The following OSBPL10 variants were observed in gnomAD, a reference collection of about 807,000 sequenced individuals.
The protein encoded by OSBPL10 is oxysterol binding protein like 10.
In OSBPL10, 49 loss-of-function variants were observed where a neutral mutation model predicts 81.7. The ratio of observed to expected loss-of-function variants is 0.60; its 90% CI spans 0.48 to 0.76. The LOEUF (loss-of-function observed/expected upper bound fraction) is 0.76. Ranked by LOEUF, OSBPL10 falls within the 30% of genes least tolerant of loss-of-function variation. OSBPL10 has a pLI of 0.00. For missense variants in OSBPL10, 923 were observed against 987.8 expected (o/e 0.93, Z 0.88); for synonymous variants, 419 against 383.6 (o/e 1.09, Z -1.08).
intron 2 of OSBPL10, among the ~76,000 whole-genome samples, chr3:32,014,959 T>C (rs1237098528): frequency 1.3e-5 from 2 of 152,308 alleles, no homozygotes; most frequent in South Asian, 4.1e-4. Flanking sequence ...TACAAACAAA[T>C]GGAAGAACAT....
At chr3:31,755,838 C>T (rs1229205149) in intron 4 of OSBPL10, among the ~76,000 whole-genome samples, 1 of 152,208 alleles carries the variant, frequency 6.6e-6, no homozygotes, top group Non-Finnish European at 1.5e-5. Flanking sequence ...ATTGCACCTA[C>T]ACACTCAAAA....
chr3:31,805,836 G>A (rs1699508630), intron 4 of OSBPL10, among the ~76,000 whole-genome samples: 1 of 152,196 alleles, frequency 6.6e-6, no homozygotes, highest in Non-Finnish European at 1.5e-5. Context: ...TCTTCCCCAA[G>A]AAGACTTGCA....
intron 1 of OSBPL10, among the ~76,000 whole-genome samples, chr3:31,965,522 CTATTA>C (rs1418485587): frequency 2.0e-4 from 6 of 29,940 alleles, no homozygotes; most frequent in Non-Finnish European, 3.7e-4. Flanking sequence ...AATATATAAA[CTATTA>C]TATTATATAA....
At chr3:31,663,891 GA>G (rs1320542027) in intron 11 of OSBPL10, 187 bp downstream of exon 11, 3 of 1,470,776 alleles carry the variant, frequency 2.0e-6, no homozygotes, top group Non-Finnish European at 2.7e-6. Context: ...AAGGTTTCAT[GA>G]ATATTGTGGC....
At chr3:31,870,962 G>C (rs1701308498) in intron 3 of OSBPL10, among the ~76,000 whole-genome samples, 3 of 152,080 alleles carry the variant, frequency 2.0e-5, no homozygotes, top group Admixed American at 2.0e-4. Context: ...AATCTGATGG[G>C]GAGGTGGAGA....
intron 2 of OSBPL10, among the ~76,000 whole-genome samples, chr3:32,025,976 C>A (rs755839467): frequency 2.0e-5 from 3 of 149,908 alleles, no homozygotes; most frequent in Admixed American, 6.6e-5. Context: ...AAGTCTCTGG[C>A]TAAACATGAT....
At chr3:31,987,256 T>C (rs1451009435) in intron 2 of OSBPL10, among the ~76,000 whole-genome samples, 1 of 152,228 alleles carries the variant, frequency 6.6e-6, no homozygotes, top group Non-Finnish European at 1.5e-5. Context: ...CCTTGTTCAC[T>C]GAAGAATATA....
At chr3:32,044,618 A>G (rs2125560957) in intron 2 of OSBPL10, among the ~76,000 whole-genome samples, 1 of 151,192 alleles carries the variant, frequency 6.6e-6, no homozygotes, top group South Asian at 2.1e-4. Flanking sequence ...GCACATGCCT[A>G]TAATCCCAGC....
Position 32,073,831 on chromosome 3 carries a change from G to A in OSBPL10, n.185+3565C>T, listed in dbSNP as rs1247821387. ...TATCTCCTGGTGCTATCCCCAAACC[G>A]CCACTCTTGACTCCCTCTTGGAGTG... On this transcript the variant is annotated intron_variant and non_coding_transcript_variant, in intron 1 of 3. Transcript: ENST00000479173. Among the ~76,000 whole-genome samples the A allele has an allele frequency of 3.9e-5, 6 of 152,024 alleles. No homozygotes were observed. In the South Asian group the frequency reaches 8.3e-4, roughly 21 times the overall value.
At chr3:31,911,810 C>G (rs533460223) in intron 1 of OSBPL10, among the ~76,000 whole-genome samples, 1 of 152,140 alleles carries the variant, frequency 6.6e-6, no homozygotes, top group Admixed American at 6.5e-5. Flanking sequence ...GTTAGTCATT[C>G]TCCTTCCATA....
intron 10 of OSBPL10, among the ~76,000 whole-genome samples, chr3:31,667,551 T>C (rs1014610262): frequency 6.6e-6 from 1 of 152,274 alleles, no homozygotes; most frequent in Non-Finnish European, 1.5e-5. Flanking sequence ...GTAGTAATAG[T>C]AAAGCTTTCA....
intron 1 of OSBPL10, among the ~76,000 whole-genome samples, chr3:32,074,139 A>C (rs910890391): frequency 3.3e-5 from 5 of 151,962 alleles, no homozygotes; most frequent in Non-Finnish European, 7.4e-5. Context: ...ACCTCCCTGC[A>C]CCTCAGAACC....
intron 4 of OSBPL10, chr3:31,822,238 G>A: frequency 6.6e-6 from 1 of 152,192 alleles, no homozygotes; most frequent in East Asian, 1.9e-4. Flanking sequence ...TCAGGAGAGT[G>A]TGTACCTGGA....
chr3:31,974,646 A>T (rs1698645467), intron 1 of OSBPL10, among the ~76,000 whole-genome samples: 1 of 152,228 alleles, frequency 6.6e-6, no homozygotes, highest in Non-Finnish European at 1.5e-5. Context: ...CACAGATCAC[A>T]TATTACACAA....
intron 2 of OSBPL10, among the ~76,000 whole-genome samples, chr3:32,021,979 GA>G (rs35470488): frequency 3.4e-5 from 5 of 145,356 alleles, no homozygotes; most frequent in Admixed American, 6.9e-5. Context: ...AATCTGTCTC[GA>G]AAAAAAAAAA....
In OSBPL10 at chr3:31,981,222, G is replaced by A; in HGVS notation, c.-43C>T. Reference sequence around the variant, plus strand: ...GACGCGGGTGCCCGCCGCGGTGGCGGCCCCGGCACGGCGGCTGCTGCTGCT... The same window carrying A: ...GACGCGGGTGCCCGCCGCGGTGGCGACCCCGGCACGGCGGCTGCTGCTGCT... On this transcript the variant is annotated 5_prime_UTR_variant, in exon 1 of 12. Coordinates refer to ENST00000396556, the MANE Select transcript of OSBPL10 (RefSeq NM_017784.5). The surrounding 1 kb of genome is among the most constrained non-coding windows in gnomAD (Gnocchi z 4.5). 2 of 1,348,942 alleles carry A rather than the reference G, an allele frequency of 1.5e-6. No homozygotes were observed. Among genetic ancestry groups the A allele is most frequent in the Admixed American group, 4.0e-5 (1 of 24,838 alleles). The allele number at this position is 1,348,942 out of a possible 1,614,324, so 83.6% of individuals were successfully genotyped here.
intron 4 of OSBPL10, among the ~76,000 whole-genome samples, chr3:31,807,559 GACC>G: frequency 7.0e-6 from 1 of 142,640 alleles, no homozygotes; most frequent in East Asian, 2.0e-4. Context: ...TTGAGTTCAA[GACC>G]ACATCTCTAC....
chr3:31,836,549 C>A (rs1559485685), intron 3 of OSBPL10, among the ~76,000 whole-genome samples: 2 of 140,770 alleles, frequency 1.4e-5, no homozygotes, highest in Non-Finnish European at 1.5e-5. Flanking sequence ...CCCTCCTCTA[C>A]CCCCCTGCCA....
chr3:31,704,244 G>A (rs1057445870), intron 6 of OSBPL10: 1 of 152,456 alleles, frequency 6.6e-6, no homozygotes, highest in Non-Finnish European at 1.5e-5. Flanking sequence ...TTTCAGGTCA[G>A]TTTGAAAGTG....
Sources: allele counts gnomAD v4.1 joint callset (sites outside exome capture counted in the v4.1 genomes callset), GRCh38; gene constraint gnomAD v4.1.1; non-coding constraint Gnocchi (gnomAD v3.1); transcripts MANE v1.5; gene names NCBI Gene and HGNC (gene_info 2026-07-23, HGNC 2026-07-21).